Variants in SGCZ observed in about 807,000 individuals in gnomAD.
SGCZ encodes sarcoglycan zeta.
In SGCZ, 40 loss-of-function variants were observed where a neutral mutation model predicts 41.3. The observed-to-expected ratio is 0.97, with a 90% confidence interval of 0.75 to 1.26. The LOEUF (loss-of-function observed/expected upper bound fraction) is 1.26. SGCZ is among the 50% of genes most tolerant of loss of function. The pLI, the probability that SGCZ is intolerant of heterozygous loss-of-function variation, is 0.00. For synonymous variants in SGCZ, 206 were observed against 137.5 expected, an observed-to-expected ratio of 1.50 and a Z score of -3.49; for missense variants, 552 against 369.8, an observed-to-expected ratio of 1.49 and a Z score of -4.04.
At chr8:14,332,372 C>T (rs938487099) in intron 2 of SGCZ, among the ~76,000 whole-genome samples, 1 of 151,882 alleles carries the variant, frequency 6.6e-6, no homozygotes, top group Non-Finnish European at 1.5e-5. Context: ...ACCCGGGAGG[C>T]GGAGCTTGCG....
intron 1 of SGCZ, among the ~76,000 whole-genome samples, chr8:14,632,417 A>G (rs1806688448): frequency 6.6e-6 from 1 of 152,136 alleles, no homozygotes; most frequent in Non-Finnish European, 1.5e-5. Context: ...ATAAAAAATT[A>G]TTTAAGGTAG....
chr8:14,594,058 C>T (rs1585108656), intron 1 of SGCZ, among the ~76,000 whole-genome samples: 1 of 151,830 alleles, frequency 6.6e-6, no homozygotes, highest in Non-Finnish European at 1.5e-5. Context: ...GCCTGTGGAC[C>T]CCACTACTCA....
chr8:14,428,706 A>G (rs1362077952), intron 2 of SGCZ, among the ~76,000 whole-genome samples: 1 of 152,220 alleles, frequency 6.6e-6, no homozygotes, highest in Non-Finnish European at 1.5e-5. Context: ...TTGGAAATGC[A>G]TGGATGGTCA....
intron 1 of SGCZ, among the ~76,000 whole-genome samples, chr8:14,588,076 AT>A (rs1279048252): frequency 4.6e-5 from 7 of 152,178 alleles, no homozygotes; most frequent in African/African-American, 1.7e-4. Context: ...TATTTCAAAC[AT>A]TTTTGCTAGA....
At chr8:14,434,098 T>C (rs1167289381) in intron 2 of SGCZ, among the ~76,000 whole-genome samples, 1 of 152,166 alleles carries the variant, frequency 6.6e-6, no homozygotes, top group Non-Finnish European at 1.5e-5. Flanking sequence ...TTTATAGTTT[T>C]AGGTCTTAGA....
intron 1 of SGCZ, among the ~76,000 whole-genome samples, chr8:14,842,058 G>A (rs562610836): frequency 2.0e-5 from 3 of 152,262 alleles, no homozygotes; most frequent in Admixed American, 1.3e-4. Context: ...ATCAAATCCT[G>A]GGGTAGATTC....
intron 1 of SGCZ, among the ~76,000 whole-genome samples, chr8:14,717,048 A>G (rs1159503828): frequency 2.6e-5 from 4 of 152,108 alleles, no homozygotes; most frequent in African/African-American, 9.6e-5. Flanking sequence ...TTTTTGAATA[A>G]TGCTCGAACA....
chr8:14,521,923 G>A (rs1802802478), intron 2 of SGCZ, among the ~76,000 whole-genome samples: 1 of 152,046 alleles, frequency 6.6e-6, no homozygotes, highest in Non-Finnish European at 1.5e-5. Context: ...TCAATTTAAG[G>A]AAGTTTCTCT....
intron 3 of SGCZ, among the ~76,000 whole-genome samples, chr8:14,239,773 G>T (rs1443932439): frequency 6.7e-6 from 1 of 149,234 alleles, no homozygotes; most frequent in African/African-American, 2.5e-5. Flanking sequence ...GTAGTGGCGG[G>T]CGCCTGTAGT....
intron 2 of SGCZ, among the ~76,000 whole-genome samples, chr8:14,361,951 G>T (rs1043618743): frequency 6.6e-6 from 1 of 152,128 alleles, no homozygotes; most frequent in Non-Finnish European, 1.5e-5. Flanking sequence ...TCAGCTGCAG[G>T]TCTGCTGGAG....
At chr8:14,927,424 A>G (rs1389095598) in intron 1 of SGCZ, among the ~76,000 whole-genome samples, 1 of 152,100 alleles carries the variant, frequency 6.6e-6, no homozygotes, top group Non-Finnish European at 1.5e-5. Context: ...CCTGATTCTT[A>G]AACTCCAAAA....
chr8:14,207,160 T>TCTTTTTC (rs1805642531), intron 4 of SGCZ, among the ~76,000 whole-genome samples: 2 of 12,346 alleles, frequency 1.6e-4, no homozygotes, highest in African/African-American at 4.0e-3. Flanking sequence ...TATTCTTTTT[T>TCTTTTTC]GCTTAAACTA....
At chr8:14,655,065 G>T (rs145255528) in intron 1 of SGCZ, among the ~76,000 whole-genome samples, 4 of 151,974 alleles carry the variant, frequency 2.6e-5, no homozygotes, top group Non-Finnish European at 4.4e-5. Flanking sequence ...GCAATTTTGG[G>T]TTCTTTCAAA....
intron 1 of SGCZ, among the ~76,000 whole-genome samples, chr8:14,565,235 T>A (rs1174091802): frequency 1.3e-5 from 2 of 152,186 alleles, no homozygotes; most frequent in Non-Finnish European, 2.9e-5. Flanking sequence ...TTTCTTTACA[T>A]ACCTCATACA....
chr8:14,267,162 TTC>T, intron 3 of SGCZ, among the ~76,000 whole-genome samples: 1 of 152,226 alleles, frequency 6.6e-6, no homozygotes, highest in Non-Finnish European at 1.5e-5. Flanking sequence ...TATTATTATT[TTC>T]TTTTTTAGTA....
chr8:14,575,796 C>T (rs1804689198), intron 1 of SGCZ, among the ~76,000 whole-genome samples: 1 of 151,422 alleles, frequency 6.6e-6, no homozygotes, highest in East Asian at 2.0e-4. Flanking sequence ...ATCCCAGCTA[C>T]TTTGGAGGCT....
chr8:14,890,638 T>C (rs908030467), intron 1 of SGCZ, among the ~76,000 whole-genome samples: 2 of 152,198 alleles, frequency 1.3e-5, no homozygotes, highest in African/African-American at 4.8e-5. Flanking sequence ...CAGTAAGCTA[T>C]CCAGAAGATC....
At chr8:14,278,750 G>T (rs972472559) in intron 3 of SGCZ, among the ~76,000 whole-genome samples, 1 of 151,996 alleles carries the variant, frequency 6.6e-6, no homozygotes, top group African/African-American at 2.4e-5. Context: ...GTTAATAATG[G>T]TAGCAGCACT....
At chr8:14,634,136 G>C (rs1028333018) in intron 1 of SGCZ, among the ~76,000 whole-genome samples, 1 of 151,666 alleles carries the variant, frequency 6.6e-6, no homozygotes, top group African/African-American at 2.4e-5. Flanking sequence ...TTCTATTTCA[G>C]AAAAAAATTT....
Sources: allele counts gnomAD v4.1 joint callset (sites outside exome capture counted in the v4.1 genomes callset), GRCh38; gene constraint gnomAD v4.1.1; transcripts MANE v1.5; gene names NCBI Gene and HGNC (gene_info 2026-07-23, HGNC 2026-07-21).